FAM163A: variants seen among roughly 807,000 people sequenced by gnomAD.
The protein encoded by FAM163A is protein FAM163A.
In FAM163A, 7 loss-of-function variants were observed where a neutral mutation model predicts 12.0. The ratio of observed to expected loss-of-function variants is 0.58; its 90% CI spans 0.33 to 1.10. FAM163A has a LOEUF of 1.10. Ranked by LOEUF, FAM163A falls within the 50% of genes least tolerant of loss-of-function variation. FAM163A has a pLI of 0.03. For missense variants in FAM163A, 202 were observed against 218.6 expected, an observed-to-expected ratio of 0.92 and a Z score of 0.48; for synonymous variants, 101 against 91.0, an observed-to-expected ratio of 1.11 and a Z score of -0.62.
At chr1:179,750,124 A>G (rs916328270) in intron 1 of FAM163A, among the ~76,000 whole-genome samples, 5 of 152,154 alleles carry the variant, frequency 3.3e-5, no homozygotes, top group African/African-American at 1.2e-4. Flanking sequence ...GGACAATATC[A>G]GTAGAGTAGT....
chr1:179,756,775 A>C (rs1686080657), intron 1 of FAM163A, among the ~76,000 whole-genome samples: 1 of 152,194 alleles, frequency 6.6e-6, no homozygotes. Context: ...GGGAGGGAAC[A>C]GGAAGTAAGG....
chr1:179,775,334 C>T (rs1262938982), intron 1 of FAM163A, among the ~76,000 whole-genome samples: 3 of 152,222 alleles, frequency 2.0e-5, no homozygotes, highest in African/African-American at 7.2e-5. Flanking sequence ...TCTATGCAAA[C>T]GAAGACTTAG....
In FAM163A at chr1:179,756,375, GGACCTGGA is replaced by G. The variant is rs149118087; in HGVS notation, c.-136+12955_-136+12962del. Among the ~76,000 whole-genome samples, 847 of 152,298 alleles carry G rather than the reference GGACCTGGA, an allele frequency of 5.6e-3. 6 individuals are homozygous for G. The highest frequency in any genetic ancestry group is 0.019 in the African/African-American group (804 of 41,566). On this transcript the variant is annotated intron_variant, in intron 1 of 4. Coordinates refer to ENST00000341785, the MANE Select transcript of FAM163A (RefSeq NM_173509.3). The stretch of plus-strand genomic sequence containing the variant: ...AAACACTTAAGAGAGAAAATGTGCA[GGACCTGGA>G]GATTGATTGGATGTGAGGGGAGAGA...
upstream of FAM163A, among the ~76,000 whole-genome samples, chr1:179,741,420 A>T (rs145937646): frequency 5.4e-4 from 83 of 152,348 alleles, no homozygotes; most frequent in African/African-American, 1.9e-3. Context: ...TAGTCCAGTA[A>T]TTTCACCCCA....
intron 1 of FAM163A, among the ~76,000 whole-genome samples, chr1:179,784,734 A>T (rs1339334395): frequency 6.6e-6 from 1 of 152,200 alleles, no homozygotes; most frequent in East Asian, 1.9e-4. Flanking sequence ...AAGCATACTC[A>T]TTTCTTTCAG....
intron 1 of FAM163A, among the ~76,000 whole-genome samples, chr1:179,756,633 A>C (rs1355154130): frequency 6.6e-6 from 1 of 152,222 alleles, no homozygotes; most frequent in African/African-American, 2.4e-5. Flanking sequence ...TCTGAAATTC[A>C]AGGAAGGTTG....
chr1:179,814,924 T>C lies in FAM163A; in HGVS notation c.*735T>C, dbSNP rs2148395886. The C allele has an allele frequency of 6.6e-6, 1 of 152,310 alleles. No homozygotes were observed. The highest frequency in any genetic ancestry group is 2.4e-5 in the African/African-American group (1 of 41,560). 9.4% of individuals were successfully genotyped at this position (152,310 alleles called of 1,614,324 possible). Reference sequence around the variant, plus strand: ...CTTGTGTTCCCCGAAATCCTTTCTCTGACTTAGGAACCAGCGCCCCCTGCT... The same window carrying C: ...CTTGTGTTCCCCGAAATCCTTTCTCCGACTTAGGAACCAGCGCCCCCTGCT... On this transcript the variant is annotated 3_prime_UTR_variant, in exon 5 of 5. Coordinates refer to ENST00000341785, the MANE Select transcript of FAM163A (RefSeq NM_173509.3).
chr1:179,769,156 T>C (rs1219067953), intron 1 of FAM163A, among the ~76,000 whole-genome samples: 4 of 152,260 alleles, frequency 2.6e-5, no homozygotes, highest in African/African-American at 7.2e-5. Context: ...TATTTACTTA[T>C]TTACTTTGAG....
At chr1:179,748,838 A>G (rs1365719039) in intron 1 of FAM163A, among the ~76,000 whole-genome samples, 1 of 152,260 alleles carries the variant, frequency 6.6e-6, no homozygotes, top group African/African-American at 2.4e-5. Flanking sequence ...GGGTTACAGT[A>G]GAATACAGAG....
intron 1 of FAM163A, among the ~76,000 whole-genome samples, chr1:179,771,127 A>T (rs572897774): frequency 1.3e-5 from 2 of 151,472 alleles, no homozygotes; most frequent in South Asian, 2.1e-4. Context: ...TGCCACTACC[A>T]CCCCACCCCA....
chr1:179,797,115 C>G (rs114166411), intron 1 of FAM163A, among the ~76,000 whole-genome samples: 2,192 of 152,276 alleles, frequency 0.014, 24 homozygotes, highest in African/African-American at 0.033. Flanking sequence ...CGTCGCAGGA[C>G]TGCCCCCTGC....
upstream of FAM163A, among the ~76,000 whole-genome samples, chr1:179,740,884 T>A (rs969460484): frequency 1.3e-5 from 2 of 152,192 alleles, no homozygotes; most frequent in African/African-American, 4.8e-5. Flanking sequence ...ATATTACCAA[T>A]GAGGGAAACT....
intron 1 of FAM163A, among the ~76,000 whole-genome samples, chr1:179,758,862 A>G (rs1011643994): frequency 6.6e-6 from 1 of 152,202 alleles, no homozygotes; most frequent in Non-Finnish European, 1.5e-5. Context: ...AATGGCTAGC[A>G]CAGCATGGCC....
chr1:179,802,693 G>T (rs1220341510), intron 1 of FAM163A, among the ~76,000 whole-genome samples: 2 of 152,172 alleles, frequency 1.3e-5, no homozygotes, highest in East Asian at 3.8e-4. Flanking sequence ...CCCACCACCA[G>T]TGCTCCTGTA....
At chr1:179,735,683 A>G in the FAM163A span, among the ~76,000 whole-genome samples, 1 of 150,648 alleles carries the variant, frequency 6.6e-6, no homozygotes, top group Non-Finnish European at 1.5e-5. Flanking sequence ...TTTTGTATTT[A>G]TAGTAGAGAC....
the FAM163A span, among the ~76,000 whole-genome samples, chr1:179,732,530 C>CT: frequency 3.3e-5 from 5 of 152,078 alleles, no homozygotes; most frequent in Non-Finnish European, 7.3e-5. Flanking sequence ...AATATTCATA[C>CT]CCTCCCAAGA....
At chr1:179,748,409 A>G (rs1684815483) in intron 1 of FAM163A, among the ~76,000 whole-genome samples, 1 of 152,204 alleles carries the variant, frequency 6.6e-6, no homozygotes, top group South Asian at 2.1e-4. Flanking sequence ...GTTTTTAAAA[A>G]AAATCACCTT....
the FAM163A span, among the ~76,000 whole-genome samples, chr1:179,728,952 C>T: frequency 2.0e-5 from 3 of 152,166 alleles, no homozygotes; most frequent in East Asian, 3.9e-4. Flanking sequence ...TCAGTTAACC[C>T]CAGCTTCTCA....
At chr1:179,811,248 G>T (rs1397152981) in intron 2 of FAM163A, among the ~76,000 whole-genome samples, 1 of 152,192 alleles carries the variant, frequency 6.6e-6, no homozygotes, top group Admixed American at 6.5e-5. Flanking sequence ...AGGCCCAGGG[G>T]TATGAAGGAA....
Sources: gnomAD v4.1 joint callset for allele counts (sites outside exome capture counted in the v4.1 genomes callset) on GRCh38, gnomAD v4.1.1 for gene constraint, MANE v1.5 for transcripts, NCBI Gene and HGNC (gene_info 2026-07-23, HGNC 2026-07-21) for gene names.